SYN3: variants seen among roughly 807,000 people sequenced by gnomAD.
SYN3 encodes the protein synapsin-3.
SYN3 carries 35 observed loss-of-function variants against 65.8 expected under a neutral mutation model. The observed-to-expected ratio is 0.53, with a 90% CI of 0.41 to 0.70. SYN3 has a LOEUF of 0.70. Among genes scored for constraint, SYN3 ranks in the 30% least tolerant of loss-of-function variants. The pLI, the probability that SYN3 is intolerant of heterozygous loss-of-function variation, is 0.00. For missense variants in SYN3, 680 were observed against 749.0 expected, an observed-to-expected ratio of 0.91 and a Z score of 1.08; for synonymous variants, 270 against 292.9, an observed-to-expected ratio of 0.92 and a Z score of 0.80.
intron 6 of SYN3, among the ~76,000 whole-genome samples, chr22:32,785,589 T>C (rs7292199): frequency 0.071 from 10,881 of 152,296 alleles, 399 homozygotes; most frequent in Middle Eastern, 0.12. Context: ...CATTCAAGTG[T>C]TGGGAAAACA....
chr22:32,909,304 G>A (rs924209450), intron 4 of SYN3, among the ~76,000 whole-genome samples: 7 of 152,148 alleles, frequency 4.6e-5, no homozygotes, highest in South Asian at 2.1e-4. Context: ...GTTAAATCCC[G>A]GTTCCTTCAC....
intron 7 of SYN3, among the ~76,000 whole-genome samples, chr22:32,596,104 C>T (rs531617465): frequency 4.6e-5 from 7 of 152,118 alleles, no homozygotes; most frequent in African/African-American, 1.7e-4. Context: ...TGTAGCACCT[C>T]CCCTTTCTCT....
chr22:33,042,867 G>A (rs1256286494), intron 1 of SYN3, among the ~76,000 whole-genome samples: 2 of 152,178 alleles, frequency 1.3e-5, no homozygotes, highest in African/African-American at 4.8e-5. Flanking sequence ...AGTGCTCCAT[G>A]AAGCCCTGGC....
At chr22:32,545,405 G>A (rs1485287258) in intron 7 of SYN3, among the ~76,000 whole-genome samples, 2 of 152,234 alleles carry the variant, frequency 1.3e-5, no homozygotes, top group African/African-American at 4.8e-5. Flanking sequence ...TAGACAAAGA[G>A]AGCAAAGGGA....
chr22:32,780,892 CCT>C (rs2046024629), intron 6 of SYN3, among the ~76,000 whole-genome samples: 1 of 151,090 alleles, frequency 6.6e-6, no homozygotes, highest in Non-Finnish European at 1.5e-5. Flanking sequence ...TTATTGCCTG[CCT>C]GCCTGCCTGC....
At chr22:32,966,080 C>T (rs1354434926) in intron 3 of SYN3, among the ~76,000 whole-genome samples, 1 of 152,186 alleles carries the variant, frequency 6.6e-6, no homozygotes, top group Non-Finnish European at 1.5e-5. Context: ...AATAAAGATA[C>T]TGTCCCTGTT....
At chr22:32,821,237 A>G (rs906402394) in intron 6 of SYN3, among the ~76,000 whole-genome samples, 1 of 152,182 alleles carries the variant, frequency 6.6e-6, no homozygotes, top group African/African-American at 2.4e-5. Context: ...GGTTTTCCCA[A>G]TTGCAAAATG....
At chr22:32,873,052 G>A (rs1245232386) in intron 4 of SYN3, among the ~76,000 whole-genome samples, 1 of 151,406 alleles carries the variant, frequency 6.6e-6, no homozygotes, top group Admixed American at 6.6e-5. Context: ...CCAGGTTCAG[G>A]CAGTTCTCCT....
chr22:32,766,862 G>A (rs1200165204), intron 6 of SYN3, among the ~76,000 whole-genome samples: 1 of 152,176 alleles, frequency 6.6e-6, no homozygotes, highest in Non-Finnish European at 1.5e-5. Flanking sequence ...ATGCTGCACT[G>A]ACTGGGCAAC....
chr22:32,751,153 G>A (rs1185175488), intron 6 of SYN3, among the ~76,000 whole-genome samples: 2 of 152,098 alleles, frequency 1.3e-5, no homozygotes, highest in Non-Finnish European at 2.9e-5. Flanking sequence ...GACGCCAGGA[G>A]GGACGCTGGT....
intron 7 of SYN3, among the ~76,000 whole-genome samples, chr22:32,564,886 C>CACCCAAACAG (rs2058643429): frequency 7.0e-6 from 1 of 142,866 alleles, no homozygotes; most frequent in Non-Finnish European, 1.5e-5. Flanking sequence ...CGCTCCCGGA[C>CACCCAAACAG]TGCACCCTAA....
chr22:32,681,460 T>C (rs11089584), intron 6 of SYN3, among the ~76,000 whole-genome samples: 95,372 of 152,044 alleles, frequency 0.63, 30,510 homozygotes, highest in African/African-American at 0.75. Flanking sequence ...CACCTACATG[T>C]CCTCTAATCT....
At chr22:32,562,855 T>C (rs1250214138) in intron 7 of SYN3, among the ~76,000 whole-genome samples, 1 of 152,242 alleles carries the variant, frequency 6.6e-6, no homozygotes, top group Admixed American at 6.5e-5. Context: ...TTGGGGGGCA[T>C]CAGCCCAGGC....
At chr22:32,735,743 T>C (rs2157138) in intron 6 of SYN3, among the ~76,000 whole-genome samples, 52,497 of 152,096 alleles carry the variant, frequency 0.35, 9,082 homozygotes, top group South Asian at 0.44. Flanking sequence ...TCATTGGGTC[T>C]CCCAGCCCAC....
intron 6 of SYN3, among the ~76,000 whole-genome samples, chr22:32,798,344 C>A (rs564447871): frequency 4.3e-4 from 66 of 152,158 alleles, no homozygotes; most frequent in African/African-American, 1.3e-3. Flanking sequence ...CAAGCATGGG[C>A]CACACCTTAC....
At chr22:32,872,765 C>T (rs1362685244) in intron 4 of SYN3, among the ~76,000 whole-genome samples, 1 of 152,004 alleles carries the variant, frequency 6.6e-6, no homozygotes, top group African/African-American at 2.4e-5. Flanking sequence ...AGGGGGTGGC[C>T]AAGTCCTGCA....
chr22:32,649,795 T>C (rs2060035553), intron 6 of SYN3, among the ~76,000 whole-genome samples: 1 of 152,146 alleles, frequency 6.6e-6, no homozygotes, highest in Non-Finnish European at 1.5e-5. Context: ...TCAGTCTAAA[T>C]AGGGACAGGG....
chr22:32,594,342 T>A (rs2059168174), intron 7 of SYN3, among the ~76,000 whole-genome samples: 1 of 152,168 alleles, frequency 6.6e-6, no homozygotes, highest in Non-Finnish European at 1.5e-5. Context: ...GGGAGGACTC[T>A]TTTTAAAAGA....
At chr22:32,797,105 G>A (rs1602169211) in intron 6 of SYN3, among the ~76,000 whole-genome samples, 1 of 152,146 alleles carries the variant, frequency 6.6e-6, no homozygotes, top group African/African-American at 2.4e-5. Flanking sequence ...TCCCGCCCTC[G>A]CAGTGAGACG....
Sources: allele counts gnomAD v4.1 joint callset (sites outside exome capture counted in the v4.1 genomes callset), GRCh38; gene constraint gnomAD v4.1.1; transcripts MANE v1.5; gene names NCBI Gene and HGNC (gene_info 2026-07-23, HGNC 2026-07-21).